Variants in TBCD observed in about 807,000 individuals in gnomAD.
TBCD encodes the protein tubulin-specific chaperone D.
A neutral mutation model predicts 169.3 loss-of-function variants in TBCD; 105 were observed. The ratio of observed to expected loss-of-function variants is 0.62; its 90% CI spans 0.53 to 0.73. The LOEUF (loss-of-function observed/expected upper bound fraction) is 0.73, where lower values mean the gene tolerates loss of function less well. Among genes scored for constraint, TBCD ranks in the 30% least tolerant of loss-of-function variants. The probability of loss-of-function intolerance (pLI) is 0.00; values close to 1 mark genes in which losing one functional copy is unlikely to be tolerated. For synonymous variants in TBCD, 700 were observed against 643.9 expected (o/e 1.09, Z -1.32); for missense variants, 1,444 against 1,600.1 (o/e 0.90, Z 1.66).
At chr17:82,929,311 C>A (rs756509000) in intron 31 of TBCD, 40 bp downstream of exon 31, 8 of 1,610,628 alleles carry the variant, frequency 5.0e-6, no homozygotes, top group East Asian at 2.2e-5. Context: ...GGCCCCGCAG[C>A]CATGGCGAGA....
Position 82,825,508 on chromosome 17 carries a change from C to T in TBCD, c.1318+10574C>T, listed in dbSNP as rs188189825. Reference sequence around the variant, plus strand: ...CACTGCGCCTGTGTTTATGGTTCTGCGTCTGACCGTGTGCCTTTTAGGCTG... The same window carrying T: ...CACTGCGCCTGTGTTTATGGTTCTGTGTCTGACCGTGTGCCTTTTAGGCTG... On this transcript the variant is annotated intron_variant, in intron 13 of 38. Transcript: ENST00000355528. Among the ~76,000 whole-genome samples, 6 of 152,270 alleles carry T rather than the reference C, an allele frequency of 3.9e-5. No homozygotes were observed. In the East Asian group the frequency reaches 5.8e-4, roughly 15 times the overall value.
In TBCD at chr17:82,942,901, G is replaced by C. The variant is rs949718280; in HGVS notation, c.*438G>C. ...CACCCAGTCTTGGAGAGAGATGAAT[G>C]TTAAATCAGAGGTTCAAATGCTAGA... On this transcript the variant is annotated 3_prime_UTR_variant, in exon 39 of 39. Transcript: ENST00000355528. 1 of 217,708 alleles carries C rather than the reference G, an allele frequency of 4.6e-6. No individual in the cohort carries two copies. The highest frequency in any genetic ancestry group is 9.1e-6 in the Non-Finnish European group (1 of 110,346). The allele number at this position is 217,708 out of a possible 1,614,324, so 13.5% of individuals were successfully genotyped here.
At chr17:82,870,721 G>A (rs983790767) in intron 14 of TBCD, among the ~76,000 whole-genome samples, 6 of 152,260 alleles carry the variant, frequency 3.9e-5, no homozygotes, top group Non-Finnish European at 8.8e-5. Flanking sequence ...GCAGGTGATC[G>A]GCACGCTGGG....
chr17:82,879,231 C>T (rs9893885), intron 14 of TBCD, among the ~76,000 whole-genome samples: 35,695 of 151,558 alleles, frequency 0.24, 4,462 homozygotes, highest in East Asian at 0.45. Flanking sequence ...GGACGCCGGG[C>T]TTGGCCTCAG....
chr17:82,939,422 T>C lies in TBCD; in HGVS notation c.3425T>C (p.Val1142Ala). ...VYETLLTYSD[V>A]VGADVLDEVV... ...GAGACATTGCTCACCTACAGTGACG[T>C]CGTGGGCGCGGATGTGCTGGACGAG... Residue 1142 changes from valine (V) to alanine (A), a missense_variant, in exon 37 of 39, where the codon GTC becomes GCC. Coordinates refer to ENST00000355528, the MANE Select transcript of TBCD (RefSeq NM_005993.5). The C allele has an allele frequency of 1.2e-6, 2 of 1,613,658 alleles. No homozygotes were observed. The highest frequency in any genetic ancestry group is 2.2e-5 in the South Asian group (2 of 90,994).
At chr17:82,934,869 C>T (rs551036920) in intron 34 of TBCD, among the ~76,000 whole-genome samples, 2 of 152,228 alleles carry the variant, frequency 1.3e-5, no homozygotes, top group Admixed American at 6.5e-5. Flanking sequence ...GAGGCCAAGG[C>T]GAGTGGATCA....
chr17:82,865,251 G>T (rs1344985389), intron 13 of TBCD, among the ~76,000 whole-genome samples: 1 of 152,048 alleles, frequency 6.6e-6, no homozygotes, highest in Non-Finnish European at 1.5e-5. Flanking sequence ...GGTCTGCAGG[G>T]ACGGCCACAC....
At position 82,833,525 on chromosome 17, in the gene TBCD, T is replaced by C. The variant is rs1467736944; in HGVS notation, c.1318+18591T>C. On this transcript the variant is annotated intron_variant, in intron 13 of 38. Transcript: ENST00000355528. This position sits in a 1 kb window ranked among gnomAD's most constrained non-coding sequence, Gnocchi z 4.7. ...TTTATGTTGACTTAAATGGTTGAAATACTGTTGGTGAATTTGTACATCCTG... is the reference window on the plus strand; with the variant it reads ...TTTATGTTGACTTAAATGGTTGAAACACTGTTGGTGAATTTGTACATCCTG... Among the ~76,000 whole-genome samples, 1 of 152,230 alleles carries C rather than the reference T, an allele frequency of 6.6e-6. No individual in the cohort carries two copies. Among genetic ancestry groups the C allele is most frequent in the Non-Finnish European group, 1.5e-5 (1 of 68,044 alleles).
rs1330952687 is a variant in TBCD, at chr17:82,929,348, T to G, written c.2853-14T>G. 6.2e-6 allele frequency: 10 copies of G among 1,611,172 alleles called. No homozygotes were observed. In the South Asian group the frequency reaches 1.1e-4, roughly 18 times the overall value. ...CATTGGCAGCCCGGCCTTGTCTCAC[T>G]CACTCTCTTGCAGGTCCGATGTGGC... On this transcript the variant is annotated splice_polypyrimidine_tract_variant and intron_variant, in intron 31 of 38. Transcript: ENST00000355528.
intron 1 of TBCD, 110 bp from the exon 2 acceptor site, chr17:82,756,055 G>T: frequency 1.1e-6 from 1 of 939,724 alleles, no homozygotes. Flanking sequence ...GAGAGCTGGG[G>T]AAGAGGTGGA....
intron 11 of TBCD, among the ~76,000 whole-genome samples, chr17:82,808,724 C>A (rs1436539123): frequency 1.1e-5 from 1 of 90,788 alleles, no homozygotes; most frequent in African/African-American, 4.6e-5. Flanking sequence ...GAGGCAGGTG[C>A]AGGGGCCGGC....
intron 34 of TBCD, among the ~76,000 whole-genome samples, chr17:82,936,026 G>C (rs950295331): frequency 6.6e-6 from 1 of 152,224 alleles, no homozygotes; most frequent in Non-Finnish European, 1.5e-5. Flanking sequence ...CCTTGCTTCT[G>C]TTGTTGCTTT....
chr17:82,831,140 A>C lies in TBCD; in HGVS notation c.1318+16206A>C. ...GGGTAGAGTCTTCCCAGTGCGCTGG[A>C]GGCTGCCTTGTTGGAGAGGTCGTAC... On this transcript the variant is annotated intron_variant, in intron 13 of 38. Transcript: ENST00000355528. This position sits in a 1 kb window ranked among gnomAD's most constrained non-coding sequence, Gnocchi z 4.6. 6.2e-7 allele frequency: 1 copy of C among 1,614,048 alleles called. No individual in the cohort carries two copies. The highest frequency in any genetic ancestry group is 8.5e-7 in the Non-Finnish European group (1 of 1,180,020).
intron 11 of TBCD, among the ~76,000 whole-genome samples, chr17:82,808,354 C>T (rs1445386708): frequency 1.1e-4 from 15 of 133,316 alleles, no homozygotes; most frequent in Non-Finnish European, 2.4e-4. Context: ...GGGGATGAGG[C>T]AGGTGCAGGG....
chr17:82,794,439 C>G (rs2144565554), intron 7 of TBCD, among the ~76,000 whole-genome samples: 1 of 152,352 alleles, frequency 6.6e-6, no homozygotes, highest in Admixed American at 6.5e-5. Context: ...GGCTGTTTTC[C>G]TCTAATCCCT....
intron 19 of TBCD, among the ~76,000 whole-genome samples, chr17:82,904,492 A>G (rs537839134): frequency 2.5e-4 from 38 of 152,314 alleles, no homozygotes; most frequent in African/African-American, 7.7e-4. Context: ...GACTAACATC[A>G]CCTTGGAATG....
Position 82,835,026 on chromosome 17 carries a change from G to T in TBCD, c.1318+20092G>T, listed in dbSNP as rs1313764929. Reference sequence around the variant, plus strand: ...TGCAGGGAGCTGTCATCCCACCACCGCACTGCAGCCTGGTGGGCAACAGAA... The same window carrying T: ...TGCAGGGAGCTGTCATCCCACCACCTCACTGCAGCCTGGTGGGCAACAGAA... On this transcript the variant is annotated intron_variant, in intron 13 of 38. Transcript: ENST00000355528. This position sits in a 1 kb window ranked among gnomAD's most constrained non-coding sequence, Gnocchi z 4.5. 6.6e-6 allele frequency among the ~76,000 whole-genome samples: 1 copy of T among 152,082 alleles called. No individual in the cohort carries two copies. The highest frequency in any genetic ancestry group is 1.5e-5 in the Non-Finnish European group (1 of 68,024).
At chr17:82,865,119 G>A (rs978496531) in intron 13 of TBCD, among the ~76,000 whole-genome samples, 2 of 152,148 alleles carry the variant, frequency 1.3e-5, no homozygotes, top group Admixed American at 6.5e-5. Flanking sequence ...GGAACCAGGT[G>A]TTCTGTCCAT....
chr17:82,769,102 TC>T (rs2048173318), intron 5 of TBCD, among the ~76,000 whole-genome samples: 1 of 152,238 alleles, frequency 6.6e-6, no homozygotes, highest in Non-Finnish European at 1.5e-5. Context: ...CACACATTTA[TC>T]CTCTTGTAGT....
Sources: gnomAD v4.1 joint callset for allele counts (sites outside exome capture counted in the v4.1 genomes callset) on GRCh38, gnomAD v4.1.1 for gene constraint, Gnocchi (gnomAD v3.1) non-coding constraint, MANE v1.5 for transcripts, NCBI Gene and HGNC (gene_info 2026-07-23, HGNC 2026-07-21) for gene names.